Variants in TRIM5 observed in about 807,000 individuals in gnomAD.
TRIM5 encodes tripartite motif-containing protein 5.
TRIM5 carries 31 observed loss-of-function variants against 35.6 expected under a neutral mutation model. That is an observed-to-expected ratio of 0.87 (90% CI 0.65 to 1.18). The LOEUF (loss-of-function observed/expected upper bound fraction) is 1.18, where lower values mean the gene tolerates loss of function less well. Ranked by LOEUF, TRIM5 falls within the 50% of genes most tolerant of loss-of-function variation. TRIM5 has a pLI of 0.00. For missense variants in TRIM5, 609 were observed against 591.6 expected (o/e 1.03, Z -0.31); for synonymous variants, 243 against 215.6 (o/e 1.13, Z -1.11).
At chr11:5,613,021 A>G in the TRIM5 span, 2 of 152,166 alleles carry the variant, frequency 1.3e-5, no homozygotes, top group East Asian at 3.9e-4. Flanking sequence ...CTTACATTGT[A>G]TTTCTATTGG....
At chr11:5,611,149 C>CAA in the TRIM5 span, 2 of 1,614,176 alleles carry the variant, frequency 1.2e-6, no homozygotes, top group South Asian at 2.2e-5. Context: ...CTGCTTCTCT[C>CAA]CATGACAGTG....
chr11:5,632,821 CCT>C, the TRIM5 span: 13 of 1,189,794 alleles, frequency 1.1e-5, no homozygotes, highest in South Asian at 7.7e-5. Context: ...ACCTTTTCAT[CCT>C]TTTTTTTTTT....
chr11:5,642,189 T>G, the TRIM5 span, among the ~76,000 whole-genome samples: 2 of 152,186 alleles, frequency 1.3e-5, no homozygotes, highest in Admixed American at 6.5e-5. Flanking sequence ...TTTCAAGAAA[T>G]GAAGACCTTC....
At chr11:5,666,785 T>A (rs998415195) in intron 5 of TRIM5, among the ~76,000 whole-genome samples, 2 of 152,270 alleles carry the variant, frequency 1.3e-5, no homozygotes, top group African/African-American at 4.8e-5. Context: ...AGCACCTTTT[T>A]ATGCTCTTGT....
At chr11:5,640,793 G>T in the TRIM5 span, among the ~76,000 whole-genome samples, 2 of 152,210 alleles carry the variant, frequency 1.3e-5, no homozygotes, top group South Asian at 4.2e-4. Flanking sequence ...TTCTCTGTAG[G>T]AAGTCTTTGA....
chr11:5,647,865 C>T, the TRIM5 span, among the ~76,000 whole-genome samples: 1 of 152,058 alleles, frequency 6.6e-6, no homozygotes, highest in African/African-American at 2.4e-5. Context: ...GGAGGTAATG[C>T]AATGGTGATG....
intron 6 of TRIM5, 121 bp from the exon 7 acceptor site, chr11:5,665,803 T>G (rs1187659630): frequency 7.1e-7 from 1 of 1,415,502 alleles, no homozygotes; most frequent in South Asian, 1.6e-5. Context: ...AATTGCTGAA[T>G]GATGAGATGA....
the TRIM5 span, among the ~76,000 whole-genome samples, chr11:5,618,559 A>G: frequency 6.6e-6 from 1 of 152,200 alleles, no homozygotes; most frequent in Admixed American, 6.5e-5. Context: ...TTGAAAAACA[A>G]AATAAAATCA....
At chr11:5,645,269 G>A in the TRIM5 span, among the ~76,000 whole-genome samples, 6 of 152,038 alleles carry the variant, frequency 3.9e-5, no homozygotes, top group Admixed American at 2.6e-4. Context: ...GCGAGCCCCT[G>A]TAATCCCACC....
At chr11:5,645,914 T>C in the TRIM5 span, 2 of 160,840 alleles carry the variant, frequency 1.2e-5, no homozygotes, top group Non-Finnish European at 2.4e-5. Context: ...TAGATATATA[T>C]AGATATATAT....
the TRIM5 span, chr11:5,634,854 T>C: frequency 6.2e-7 from 1 of 1,612,368 alleles, no homozygotes. Flanking sequence ...ACAATGGAGC[T>C]GCTGCAGGTA....
chr11:5,681,258 T>C (rs2134128945), intron 1 of TRIM5, among the ~76,000 whole-genome samples: 2 of 152,300 alleles, frequency 1.3e-5, no homozygotes, highest in South Asian at 4.1e-4. Context: ...CTGCTGCTTC[T>C]TGCGGCCCAA....
At chr11:5,614,417 A>G in the TRIM5 span, among the ~76,000 whole-genome samples, 7 of 152,214 alleles carry the variant, frequency 4.6e-5, no homozygotes, top group Admixed American at 3.9e-4. Context: ...GATTCGTAAT[A>G]TCTGCTCATT....
chr11:5,639,647 T>C, the TRIM5 span, among the ~76,000 whole-genome samples: 1 of 116,278 alleles, frequency 8.6e-6, no homozygotes, highest in East Asian at 2.7e-4. Flanking sequence ...ACCACTGCAC[T>C]CCAGCCTGGG....
At chr11:5,608,545 A>C in the TRIM5 span, 5 of 1,252,506 alleles carry the variant, frequency 4.0e-6, no homozygotes, top group Non-Finnish European at 5.4e-6. Context: ...GGCATCCCCA[A>C]ATAAAGGGGA....
the TRIM5 span, chr11:5,608,226 C>T: frequency 8.4e-7 from 1 of 1,188,168 alleles, no homozygotes; most frequent in Non-Finnish European, 1.2e-6. Flanking sequence ...GGACAGTCTG[C>T]CCTGAGTTTT....
chr11:5,679,206 G>A, intron 2 of TRIM5, 37 bp from the exon 3 acceptor site: 1 of 1,570,358 alleles, frequency 6.4e-7, no homozygotes, highest in Non-Finnish European at 8.7e-7. Context: ...CAAGCTATGA[G>A]GTTTTCCAGC....
chr11:5,604,621 T>C, the TRIM5 span: 1 of 1,611,362 alleles, frequency 6.2e-7, no homozygotes, highest in East Asian at 2.2e-5. Context: ...GAAGAAAACA[T>C]CCTGGAAGGC....
chr11:5,642,406 G>C, the TRIM5 span: 5 of 1,612,576 alleles, frequency 3.1e-6, no homozygotes, highest in East Asian at 8.9e-5. Flanking sequence ...TCATCCCTAG[G>C]AGTGAGATCT....
Sources: gnomAD v4.1 joint callset for allele counts (sites outside exome capture counted in the v4.1 genomes callset) on GRCh38, gnomAD v4.1.1 for gene constraint, MANE v1.5 for transcripts, NCBI Gene and HGNC (gene_info 2026-07-23, HGNC 2026-07-21) for gene names.